UMODL1: variants seen among roughly 807,000 people sequenced by gnomAD.
UMODL1 encodes uromodulin-like 1.
In UMODL1, 128 loss-of-function variants were observed where a neutral mutation model predicts 136.3. That is an observed-to-expected ratio of 0.94 (90% CI 0.81 to 1.09). The LOEUF is 1.09. Ranked by LOEUF, UMODL1 falls within the 50% of genes least tolerant of loss-of-function variation. The probability of loss-of-function intolerance (pLI) is 0.00; values close to 1 mark genes in which losing one functional copy is unlikely to be tolerated. For missense variants in UMODL1, 1,766 were observed against 1,725.6 expected (o/e 1.02, Z -0.41); for synonymous variants, 721 against 720.0 (o/e 1.00, Z -0.02).
At position 42,076,132 on chromosome 21, in the gene UMODL1, G is replaced by A; in HGVS notation, c.204G>A (p.Arg68=). The A allele has an allele frequency of 1.2e-6, 2 of 1,614,276 alleles. No individual in the cohort carries two copies. The highest frequency in any genetic ancestry group is 1.7e-6 in the Non-Finnish European group (2 of 1,180,044). ...YVSCGGWIPW[R]RCPKMVYRTQ... is the part of the protein sequence containing the mutation. ...CCTGCGGCGGCTGGATCCCCTGGAG[G>A]CGGTGCCCTAAGATGGTTTACCGGA... Residue 68 remains arginine (R), a synonymous_variant, in exon 2 of 23, where the codon AGG becomes AGA. Transcript: ENST00000408910.
intron 8 of UMODL1, chr21:42,103,543 G>A (rs906470314): frequency 1.9e-5 from 8 of 431,934 alleles, no homozygotes; most frequent in East Asian, 6.1e-5. Context: ...TTTCTCACAC[G>A]CTCACACAAA....
Position 42,122,260 on chromosome 21 carries a change from G to T in UMODL1, c.2828-571G>T, listed in dbSNP as rs987051289. ...AGACCACCCCGAGAACAGGTGGGTG[G>T]ATTGGAAAGCTTTCCGGGCCCCTTG... On this transcript the variant is annotated intron_variant, in intron 16 of 22. Transcript: ENST00000408910. The surrounding 1 kb of genome is among the most constrained non-coding windows in gnomAD (Gnocchi z 4.3). 6.6e-6 allele frequency among the ~76,000 whole-genome samples: 1 copy of T among 152,170 alleles called. No homozygotes were observed. Among genetic ancestry groups the T allele is most frequent in the African/African-American group, 2.4e-5 (1 of 41,450 alleles).
At chr21:42,124,985 G>A (rs1217575486) in intron 17 of UMODL1, among the ~76,000 whole-genome samples, 1 of 152,202 alleles carries the variant, frequency 6.6e-6, no homozygotes, top group African/African-American at 2.4e-5. Context: ...CTGACACCGA[G>A]AAGCAGCCCC....
Position 42,071,399 on chromosome 21 carries a change from G to A in UMODL1, c.76+7G>A, listed in dbSNP as rs1199189635. The A allele has an allele frequency of 6.3e-7, 1 of 1,577,714 alleles. No homozygotes were observed. The highest frequency in any genetic ancestry group is 8.6e-7 in the Non-Finnish European group (1 of 1,162,694). On this transcript the variant is annotated splice_region_variant and intron_variant, in intron 1 of 22. Coordinates refer to ENST00000408910, the MANE Select transcript of UMODL1 (RefSeq NM_001004416.3). ...CAGGCCAGCGGCTTCACAGGTGAGG[G>A]GTCTGGGCTTGGCATGGGCAGTTCT...
chr21:42,078,018 C>T (rs112757418), intron 2 of UMODL1, among the ~76,000 whole-genome samples: 125 of 152,300 alleles, frequency 8.2e-4, no homozygotes, highest in African/African-American at 2.7e-3. Flanking sequence ...TCTGTTGCCC[C>T]GTTCAGAGGG....
chr21:42,108,972 A>G (rs1569160340), intron 9 of UMODL1, among the ~76,000 whole-genome samples: 7 of 65,054 alleles, frequency 1.1e-4, no homozygotes, highest in South Asian at 6.0e-4. Flanking sequence ...CCTGGCATGT[A>G]AAGCTGGTGT....
At chr21:42,115,680 G>T (rs537217756) in intron 13 of UMODL1, among the ~76,000 whole-genome samples, 193 bp from the exon 14 acceptor site, 28 of 152,188 alleles carry the variant, frequency 1.8e-4, no homozygotes, top group Non-Finnish European at 3.5e-4. Context: ...CTGTGTTCAG[G>T]CTGTGTTCTG....
chr21:42,095,687 G>A (rs530572783), intron 6 of UMODL1, among the ~76,000 whole-genome samples: 2 of 152,318 alleles, frequency 1.3e-5, no homozygotes, highest in South Asian at 2.1e-4. Context: ...TGCTACTGGT[G>A]ATAGGAAAGC....
At chr21:42,068,785 TGTGA>T (rs765247840), upstream of UMODL1, among the ~76,000 whole-genome samples, 1 of 152,202 alleles carries the variant, frequency 6.6e-6, no homozygotes, top group Non-Finnish European at 1.5e-5. This position sits in a 1 kb window ranked among gnomAD's most constrained non-coding sequence, Gnocchi z 5.5. Context: ...TGTGGACTTG[TGTGA>T]GTGTGTCTGT....
chr21:42,125,901 T>A (rs1262307632), intron 17 of UMODL1, among the ~76,000 whole-genome samples: 1 of 152,200 alleles, frequency 6.6e-6, no homozygotes, highest in East Asian at 1.9e-4. Flanking sequence ...GGGCAGAGCC[T>A]GCAGCCGGCA....
chr21:42,126,493 A>G lies in UMODL1; in HGVS notation c.3293+3A>G. The stretch of plus-strand genomic sequence containing the variant: ...TCCGGCTTCACCCTGGAGTGGGGGT[A>G]AGGGAGAAATGCCCCGGCTGCCCCA... On this transcript the variant is annotated splice_donor_region_variant and intron_variant, in intron 18 of 22. Transcript: ENST00000408910. The G allele has an allele frequency of 1.2e-6, 2 of 1,614,202 alleles. No homozygotes were observed. The highest frequency in any genetic ancestry group is 8.5e-7 in the Non-Finnish European group (1 of 1,180,010).
intron 1 of UMODL1, among the ~76,000 whole-genome samples, chr21:42,074,479 G>A (rs1439811363): frequency 6.6e-6 from 1 of 152,194 alleles, no homozygotes; most frequent in Non-Finnish European, 1.5e-5. Context: ...AGGGGCTCCC[G>A]GGGAGATGGG....
chr21:42,126,896 T>A, intron 18 of UMODL1, 110 bp from the exon 19 acceptor site: 1 of 923,576 alleles, frequency 1.1e-6, no homozygotes, highest in Non-Finnish European at 1.7e-6. Flanking sequence ...GTCTTCTCGT[T>A]CATTTGCACG....
chr21:42,108,132 G>A (rs576980538), intron 9 of UMODL1, among the ~76,000 whole-genome samples: 208 of 152,194 alleles, frequency 1.4e-3, no homozygotes, highest in Non-Finnish European at 2.4e-3. Context: ...TGTCTGGGGG[G>A]ACGGAGGAGT....
chr21:42,068,832 CTG>C (rs976174580), upstream of UMODL1, among the ~76,000 whole-genome samples: 1 of 152,062 alleles, frequency 6.6e-6, no homozygotes, highest in African/African-American at 2.4e-5. This position sits in a 1 kb window ranked among gnomAD's most constrained non-coding sequence, Gnocchi z 5.5. Flanking sequence ...GTGGATGTGT[CTG>C]TGTTTATGCC....
chr21:42,125,233 G>A (rs984126102), intron 17 of UMODL1, among the ~76,000 whole-genome samples: 1 of 152,172 alleles, frequency 6.6e-6, no homozygotes, highest in Admixed American at 6.5e-5. Flanking sequence ...TAAGGAGCTA[G>A]CCCTGGGGAG....
intron 9 of UMODL1, among the ~76,000 whole-genome samples, chr21:42,107,570 G>A (rs958975885): frequency 1.5e-4 from 23 of 152,186 alleles, no homozygotes; most frequent in Admixed American, 6.5e-5. Flanking sequence ...CACGGGTACC[G>A]CTATTTGTCC....
intron 1 of UMODL1, among the ~76,000 whole-genome samples, chr21:42,063,930 A>G (rs1029830399): frequency 2.0e-5 from 3 of 152,056 alleles, no homozygotes; most frequent in Admixed American, 6.5e-5. Flanking sequence ...GCGGCCCCCC[A>G]GTTTCAGCAG....
At chr21:42,075,088 G>T (rs1427788924) in intron 1 of UMODL1, among the ~76,000 whole-genome samples, 2 of 151,934 alleles carry the variant, frequency 1.3e-5, no homozygotes, top group African/African-American at 2.4e-5. Context: ...TTAGTAGAGA[G>T]GGGCTTTCAC....
Sources: allele counts gnomAD v4.1 joint callset (sites outside exome capture counted in the v4.1 genomes callset), GRCh38; gene constraint gnomAD v4.1.1; non-coding constraint Gnocchi (gnomAD v3.1); transcripts MANE v1.5; gene names NCBI Gene and HGNC (gene_info 2026-07-23, HGNC 2026-07-21).